DISC1: variants seen among roughly 807,000 people sequenced by gnomAD.
DISC1 encodes DISC1 scaffold protein.
DISC1 carries 57 observed loss-of-function variants against 84.5 expected under a neutral mutation model. The ratio of observed to expected loss-of-function variants is 0.67; its 90% CI spans 0.55 to 0.84. The LOEUF is 0.84. Among genes scored for constraint, DISC1 ranks in the 40% least tolerant of loss-of-function variants. The pLI is 0.00. For synonymous variants in DISC1, 411 were observed against 415.2 expected (o/e 0.99, Z 0.12); for missense variants, 1,000 against 1,057.8 (o/e 0.95, Z 0.76).
intron 9 of DISC1, among the ~76,000 whole-genome samples, chr1:231,835,368 T>G (rs948250687): frequency 6.6e-6 from 1 of 152,118 alleles, no homozygotes; most frequent in Non-Finnish European, 1.5e-5. Flanking sequence ...GGCGCTGTTT[T>G]ATAAGATTTG....
At chr1:231,899,067 C>G (rs2087945763) in intron 9 of DISC1, among the ~76,000 whole-genome samples, 1 of 151,696 alleles carries the variant, frequency 6.6e-6, no homozygotes, top group Non-Finnish European at 1.5e-5. Flanking sequence ...CCAGGAAATC[C>G]TCAGAACACT....
intron 9 of DISC1, among the ~76,000 whole-genome samples, chr1:231,880,062 G>A (rs1179280611): frequency 6.6e-6 from 1 of 152,198 alleles, no homozygotes; most frequent in African/African-American, 2.4e-5. Context: ...ATAAGAGGTG[G>A]TTGGATCATG....
intron 11 of DISC1, among the ~76,000 whole-genome samples, chr1:232,024,418 TTTAA>T (rs1480924169): frequency 6.6e-6 from 1 of 152,198 alleles, no homozygotes; most frequent in Non-Finnish European, 1.5e-5. Context: ...TATACTTGGA[TTTAA>T]TTGTTATTTG....
At chr1:231,964,045 G>A (rs1660759945) in intron 10 of DISC1, among the ~76,000 whole-genome samples, 1 of 152,168 alleles carries the variant, frequency 6.6e-6, no homozygotes, top group South Asian at 2.1e-4. Context: ...GTCTGCTTGT[G>A]GATTTCATTT....
chr1:231,638,153 C>T (rs2059346162), intron 1 of DISC1, among the ~76,000 whole-genome samples: 1 of 152,088 alleles, frequency 6.6e-6, no homozygotes, highest in African/African-American at 2.4e-5. Flanking sequence ...AATGTCTATT[C>T]ATGTCCTTTT....
chr1:231,687,070 G>T (rs1278464757), intron 1 of DISC1, among the ~76,000 whole-genome samples: 1 of 152,148 alleles, frequency 6.6e-6, no homozygotes, highest in Non-Finnish European at 1.5e-5. Flanking sequence ...TTTGGTCAAA[G>T]CCATTCAACA....
intron 9 of DISC1, among the ~76,000 whole-genome samples, chr1:231,819,498 G>T (rs904927578): frequency 1.3e-5 from 2 of 152,166 alleles, no homozygotes; most frequent in African/African-American, 2.4e-5. Flanking sequence ...CAAAGAGTAT[G>T]TTCAGTAGTT....
intron 7 of DISC1, among the ~76,000 whole-genome samples, chr1:231,797,552 G>A (rs958348781): frequency 3.3e-5 from 5 of 152,102 alleles, no homozygotes; most frequent in African/African-American, 9.7e-5. Flanking sequence ...AGGGCAAGGC[G>A]GGGTCTCTGG....
intron 9 of DISC1, among the ~76,000 whole-genome samples, chr1:231,886,793 TTCTTTC>T (rs2086765678): frequency 7.0e-6 from 1 of 143,378 alleles, no homozygotes; most frequent in East Asian, 2.0e-4. Context: ...CTTTCTTTCT[TTCTTTC>T]TTTCTTTCTT....
intron 6 of DISC1, among the ~76,000 whole-genome samples, chr1:231,779,616 G>A (rs1321909726): frequency 3.5e-5 from 5 of 144,380 alleles, no homozygotes; most frequent in Admixed American, 7.1e-5. Context: ...GCTGCAGTGC[G>A]GTGGTGCATC....
At chr1:231,948,969 A>G (rs922054494) in intron 9 of DISC1, among the ~76,000 whole-genome samples, 3 of 148,082 alleles carry the variant, frequency 2.0e-5, no homozygotes, top group Admixed American at 1.4e-4. Flanking sequence ...TCCTGGGTTC[A>G]AGCGATTCTC....
chr1:231,819,564 T>C (rs887026560), intron 9 of DISC1, among the ~76,000 whole-genome samples: 3 of 152,188 alleles, frequency 2.0e-5, no homozygotes, highest in Non-Finnish European at 2.9e-5. Flanking sequence ...TCAGTACTTA[T>C]CTTTTTTTCT....
intron 3 of DISC1, among the ~76,000 whole-genome samples, chr1:231,741,063 G>A (rs367826764): frequency 6.6e-5 from 10 of 152,230 alleles, no homozygotes; most frequent in Non-Finnish European, 1.5e-4. Context: ...TAGGAAGGTC[G>A]CTCTGTTGGT....
Position 231,800,379 on chromosome 1 carries a change from G to A in DISC1, c.1792+169G>A, listed in dbSNP as rs569914539. ...ATATGCACATAATATAGCACAAGGT[G>A]TTTAAGTGAGTACCGTATTTGGGAT... On this transcript the variant is annotated intron_variant, in intron 8 of 12. Transcript: ENST00000439617. 3.9e-5 allele frequency among the ~76,000 whole-genome samples: 6 copies of A among 152,288 alleles called. No individual in the cohort carries two copies. The South Asian group carries it at 1.0e-3, about 26-fold the overall frequency.
At position 232,009,420 on chromosome 1, in the gene DISC1, T is replaced by C. The variant is rs1667826065; in HGVS notation, c.2307+371T>C. The stretch of plus-strand genomic sequence containing the variant: ...TATGCCATACATGATATTTAACATA[T>C]ATACTATACATTATGTATTGTATGT... On this transcript the variant is annotated intron_variant, in intron 11 of 12. Coordinates refer to ENST00000439617, the MANE Select transcript of DISC1 (RefSeq NM_018662.3). The surrounding 1 kb of genome is among the most constrained non-coding windows in gnomAD (Gnocchi z 4.6). 4.8e-6 allele frequency: 3 copies of C among 630,958 alleles called. No individual in the cohort carries two copies. The highest frequency in any genetic ancestry group is 1.3e-4 in the South Asian group (2 of 15,504). The allele number at this position is 630,958 out of a possible 1,614,324, so 39.1% of individuals were successfully genotyped here.
intron 8 of DISC1, among the ~76,000 whole-genome samples, chr1:231,808,080 G>A (rs1423124958): frequency 6.6e-6 from 1 of 152,152 alleles, no homozygotes; most frequent in African/African-American, 2.4e-5. Context: ...CTAAATTCCT[G>A]TAGCCGTCAA....
intron 12 of DISC1, among the ~76,000 whole-genome samples, chr1:232,026,915 A>G (rs1045223340): frequency 2.4e-4 from 36 of 151,546 alleles, no homozygotes; most frequent in African/African-American, 8.2e-4. Flanking sequence ...CGCCCAGCTA[A>G]TTTTTTTGTA....
intron 2 of DISC1, among the ~76,000 whole-genome samples, chr1:231,695,741 A>G (rs1226977092): frequency 6.6e-6 from 1 of 152,120 alleles, no homozygotes; most frequent in Non-Finnish European, 1.5e-5. Flanking sequence ...GGATATGTTC[A>G]TGTGGGTAGG....
intron 6 of DISC1, among the ~76,000 whole-genome samples, chr1:231,788,837 C>T (rs982805780): frequency 3.3e-5 from 5 of 152,112 alleles, no homozygotes; most frequent in Non-Finnish European, 1.5e-5. Flanking sequence ...GAGCCGCTCC[C>T]CATCCTGTGG....
Sources: allele counts gnomAD v4.1 joint callset (sites outside exome capture counted in the v4.1 genomes callset), GRCh38; gene constraint gnomAD v4.1.1; non-coding constraint Gnocchi (gnomAD v3.1); transcripts MANE v1.5; gene names NCBI Gene and HGNC (gene_info 2026-07-23, HGNC 2026-07-21).